The following SNRPD3 variants were observed in gnomAD, a reference collection of about 807,000 sequenced individuals.
The protein encoded by SNRPD3 is small nuclear ribonucleoprotein Sm D3.
For synonymous variants in SNRPD3, 66 were observed against 58.4 expected, an observed-to-expected ratio of 1.13 and a Z score of -0.59; for missense variants, 73 against 167.5, an observed-to-expected ratio of 0.44 and a Z score of 3.11.
chr22:24,560,745 T>TGG (rs2045132372), intron 2 of SNRPD3, among the ~76,000 whole-genome samples: 1 of 51,386 alleles, frequency 1.9e-5, no homozygotes, highest in African/African-American at 8.3e-5. Flanking sequence ...TTTTTTTTTT[T>TGG]GAGACAGAAT....
intron 2 of SNRPD3, among the ~76,000 whole-genome samples, chr22:24,565,381 T>G (rs2045187125): frequency 6.6e-6 from 1 of 152,122 alleles, no homozygotes; most frequent in Non-Finnish European, 1.5e-5. Context: ...CCTTGTAGGA[T>G]TTTGTGGGGT....
In SNRPD3 at chr22:24,573,050, A is replaced by T. The variant is rs1310646746; in HGVS notation, c.*1073A>T. Among the ~76,000 whole-genome samples the T allele has an allele frequency of 2.0e-5, 3 of 152,042 alleles. No individual in the cohort carries two copies. The highest frequency in any genetic ancestry group is 4.4e-5 in the Non-Finnish European group (3 of 68,010). On this transcript the variant is annotated 3_prime_UTR_variant, in exon 4 of 4. Coordinates refer to ENST00000215829, the MANE Select transcript of SNRPD3 (RefSeq NM_004175.5). Reference sequence around the variant, plus strand: ...AGACCCTGTCTCTACAAAAAATTCTAAAAATTAACTTGGCATGGTGGTGCA... The same window carrying T: ...AGACCCTGTCTCTACAAAAAATTCTTAAAATTAACTTGGCATGGTGGTGCA...
chr22:24,555,917 G>A, upstream of SNRPD3: 3 of 1,339,254 alleles, frequency 2.2e-6, no homozygotes, highest in Non-Finnish European at 3.1e-6. Flanking sequence ...GCGAGACCGC[G>A]CTCAACACTG....
chr22:24,556,283 C>T (rs1008288178), intron 1 of SNRPD3, among the ~76,000 whole-genome samples: 3 of 152,166 alleles, frequency 2.0e-5, no homozygotes, highest in East Asian at 1.9e-4. Context: ...CTGTATCTCT[C>T]CAGGTGAGTG....
intron 2 of SNRPD3, among the ~76,000 whole-genome samples, chr22:24,560,583 T>C (rs1278503108): frequency 2.6e-5 from 4 of 151,130 alleles, no homozygotes; most frequent in Non-Finnish European, 5.9e-5. Context: ...TAGCTGGGAC[T>C]ATGCCCAGCT....
intron 2 of SNRPD3, 129 bp downstream of exon 2, chr22:24,557,929 A>G: frequency 1.2e-6 from 1 of 841,480 alleles, no homozygotes; most frequent in Non-Finnish European, 1.8e-6. Flanking sequence ...CCTAATGCAT[A>G]CCAGTCAGGT....
intron 2 of SNRPD3, among the ~76,000 whole-genome samples, chr22:24,566,565 AGTT>A (rs2045198350): frequency 6.6e-6 from 1 of 152,138 alleles, no homozygotes; most frequent in Non-Finnish European, 1.5e-5. Context: ...CCTGGCCCAT[AGTT>A]GTTCTTTTCT....
Position 24,565,542 on chromosome 22 carries a change from G to A in SNRPD3, c.127-2442G>A, listed in dbSNP as rs536058693. Among the ~76,000 whole-genome samples, 4 of 152,302 alleles carry A rather than the reference G, an allele frequency of 2.6e-5. No homozygotes were observed. The East Asian group carries it at 7.7e-4, about 29-fold the overall frequency. The stretch of plus-strand genomic sequence containing the variant: ...AGGGAAGCCTGGAGATATACCTAGG[G>A]TTACACTTCTGACAAATGGCAGAGC... On this transcript the variant is annotated intron_variant, in intron 2 of 3. Coordinates refer to ENST00000215829, the MANE Select transcript of SNRPD3 (RefSeq NM_004175.5).
At chr22:24,559,681 CCCT>C (rs2045114216) in intron 2 of SNRPD3, among the ~76,000 whole-genome samples, 1 of 152,226 alleles carries the variant, frequency 6.6e-6, no homozygotes, top group African/African-American at 2.4e-5. Flanking sequence ...ATCCTCTGGT[CCCT>C]CCTCTAAATC....
intron 2 of SNRPD3, among the ~76,000 whole-genome samples, chr22:24,560,724 T>C (rs1369603532): frequency 0.072 from 7,758 of 107,202 alleles, 1,669 homozygotes; most frequent in Non-Finnish European, 0.099. Context: ...CCTTTTTTTT[T>C]TTTTTTTTTT....
chr22:24,568,664 T>C (rs2045219454), intron 3 of SNRPD3, among the ~76,000 whole-genome samples: 1 of 151,866 alleles, frequency 6.6e-6, no homozygotes, highest in Non-Finnish European at 1.5e-5. Flanking sequence ...TTCAAGCAGT[T>C]CTCTGCCTCA....
rs62231177 is a variant in SNRPD3, at chr22:24,564,688, A to G, written c.127-3296A>G. ...ATAGTTCATTTATGGAAATGCCTAG[A>G]TTAAGTCTTGTCGGACTTATGCAAC... is the stretch of plus-strand genomic sequence containing the variant. On this transcript the variant is annotated intron_variant, in intron 2 of 3. Transcript: ENST00000215829. Among the ~76,000 whole-genome samples the G allele has an allele frequency of 7.6e-3, 1,153 of 152,294 alleles. 8 individuals are homozygous for G. Among genetic ancestry groups the G allele is most frequent in the South Asian group, 0.018 (88 of 4,828 alleles).
intron 2 of SNRPD3, among the ~76,000 whole-genome samples, chr22:24,566,791 T>C (rs2147127327): frequency 1.3e-5 from 2 of 152,374 alleles, no homozygotes; most frequent in Middle Eastern, 6.8e-3. Context: ...TTGAGGTTGA[T>C]GCTGGCAGAT....
At position 24,574,841 on chromosome 22, in the gene SNRPD3, T is replaced by C. The variant is rs1253346366; in HGVS notation, c.*2864T>C. 1.3e-5 allele frequency among the ~76,000 whole-genome samples: 2 copies of C among 152,178 alleles called. No homozygotes were observed. The highest frequency in any genetic ancestry group is 2.4e-5 in the African/African-American group (1 of 41,438). On this transcript the variant is annotated 3_prime_UTR_variant, in exon 4 of 4. Transcript: ENST00000215829. Reference sequence around the variant, plus strand: ...GAGCCACTGCACCCGGCCACCATTATCTTTTGAATCCTCTCTTCCTCCTGC... The same window carrying C: ...GAGCCACTGCACCCGGCCACCATTACCTTTTGAATCCTCTCTTCCTCCTGC...
At chr22:24,560,090 A>ATTTTTTTTTTTTTTTTTTTTTTTT (rs71189257) in intron 2 of SNRPD3, among the ~76,000 whole-genome samples, 1 of 89,266 alleles carries the variant, frequency 1.1e-5, no homozygotes, top group Admixed American at 1.7e-4. Flanking sequence ...TTTATAAAGA[A>ATTTTTTTTTTTTTTTTTTTTTTTT]TTTTTTTTTT....
At chr22:24,562,606 A>G (rs1370753087) in intron 2 of SNRPD3, among the ~76,000 whole-genome samples, 1 of 152,146 alleles carries the variant, frequency 6.6e-6, no homozygotes, top group African/African-American at 2.4e-5. Flanking sequence ...GCTACTCCAT[A>G]GGCTGAGGCA....
intron 3 of SNRPD3, among the ~76,000 whole-genome samples, chr22:24,571,318 C>T (rs1314493328): frequency 6.6e-6 from 1 of 152,186 alleles, no homozygotes; most frequent in African/African-American, 2.4e-5. Context: ...TCTTTGCCCT[C>T]AGCATGCTGC....
chr22:24,562,670 C>T (rs1260408598), intron 2 of SNRPD3, among the ~76,000 whole-genome samples: 2 of 152,124 alleles, frequency 1.3e-5, no homozygotes, highest in Non-Finnish European at 2.9e-5. Context: ...GCTCTGGTCG[C>T]ACCACTGCAC....
intron 2 of SNRPD3, among the ~76,000 whole-genome samples, chr22:24,561,438 A>G (rs985680573): frequency 2.6e-5 from 4 of 152,104 alleles, no homozygotes; most frequent in African/African-American, 9.7e-5. Flanking sequence ...GACTTCAACA[A>G]TGAATTTTTT....
Sources: gnomAD v4.1 joint callset for allele counts (sites outside exome capture counted in the v4.1 genomes callset) on GRCh38, gnomAD v4.1.1 for gene constraint, MANE v1.5 for transcripts, NCBI Gene and HGNC (gene_info 2026-07-23, HGNC 2026-07-21) for gene names.